The following SLC25A13 variants were observed in gnomAD, a reference collection of about 807,000 sequenced individuals.
SLC25A13 encodes electrogenic aspartate/glutamate antiporter SLC25A13, mitochondrial.
In SLC25A13, 70 loss-of-function variants were observed where a neutral mutation model predicts 85.5. That is an observed-to-expected ratio of 0.82 (90% CI 0.68 to 1.00). The LOEUF is 1.00. Ranked by LOEUF, SLC25A13 falls within the 50% of genes least tolerant of loss-of-function variation. The probability of loss-of-function intolerance (pLI) is 0.00; values close to 1 mark genes in which losing one functional copy is unlikely to be tolerated. For missense variants in SLC25A13, 765 were observed against 819.8 expected, an observed-to-expected ratio of 0.93 and a Z score of 0.82; for synonymous variants, 259 against 288.7, an observed-to-expected ratio of 0.90 and a Z score of 1.04.
intron 1 of SLC25A13, among the ~76,000 whole-genome samples, chr7:96,298,784 T>C (rs549317677): frequency 6.6e-6 from 1 of 152,282 alleles, no homozygotes; most frequent in African/African-American, 2.4e-5. Context: ...TTCTCTGCTG[T>C]TCAATAGAGG....
Position 96,322,069 on chromosome 7 carries a change from G to T in SLC25A13, c.-113C>A, listed in dbSNP as rs1346924910. 1 of 1,412,604 alleles carries T rather than the reference G, an allele frequency of 7.1e-7. No individual in the cohort carries two copies. The highest frequency in any genetic ancestry group is 1.5e-5 in the African/African-American group (1 of 67,294). The allele number at this position is 1,412,604 out of a possible 1,614,324, so 87.5% of individuals were successfully genotyped here. Reference sequence around the variant, plus strand: ...GCGGCGGCGGTGGGGGCGGCGATACGGCCAGGCAGCGTGCGTTCCTGGCCT... The same window carrying T: ...GCGGCGGCGGTGGGGGCGGCGATACTGCCAGGCAGCGTGCGTTCCTGGCCT... On this transcript the variant is annotated 5_prime_UTR_variant, in exon 1 of 18. Coordinates refer to ENST00000265631, the MANE Select transcript of SLC25A13 (RefSeq NM_014251.3).
chr7:96,217,676 G>A (rs1331623295), intron 4 of SLC25A13, among the ~76,000 whole-genome samples: 1 of 152,068 alleles, frequency 6.6e-6, no homozygotes, highest in Non-Finnish European at 1.5e-5. Flanking sequence ...GTCTAGAATA[G>A]ACAAATCCAT....
intron 15 of SLC25A13, among the ~76,000 whole-genome samples, chr7:96,123,880 T>A (rs1791620788): frequency 6.6e-6 from 1 of 152,212 alleles, no homozygotes; most frequent in Admixed American, 6.5e-5. Flanking sequence ...CTGCCTGCTC[T>A]CTTCTGGATT....
Position 96,321,998 on chromosome 7 carries a change from G to C in SLC25A13, c.-42C>G, listed in dbSNP as rs564323455. The C allele has an allele frequency of 1.4e-5, 21 of 1,533,270 alleles. No individual in the cohort carries two copies. In the East Asian group the frequency reaches 5.2e-4, roughly 38 times the overall value. 95.0% of individuals were successfully genotyped at this position (1,533,270 alleles called of 1,614,324 possible). A position where few individuals can be genotyped will look rare whatever the true frequency, so the allele number is the denominator to read the frequency against. ...GGGCGACTGCGGGACCCACTGACTG[G>C]CTGGCTGGCGTTTGGGACCCGGGCG... On this transcript the variant is annotated 5_prime_UTR_variant, in exon 1 of 18. Transcript: ENST00000265631.
At chr7:96,308,452 T>C (rs1382217301) in intron 1 of SLC25A13, among the ~76,000 whole-genome samples, 1 of 152,196 alleles carries the variant, frequency 6.6e-6, no homozygotes, top group East Asian at 1.9e-4. Context: ...CAGGTCTCTC[T>C]AGCTGATGAT....
intron 1 of SLC25A13, among the ~76,000 whole-genome samples, chr7:96,317,522 C>T (rs1800176367): frequency 6.6e-6 from 1 of 151,824 alleles, no homozygotes; most frequent in Non-Finnish European, 1.5e-5. Flanking sequence ...GTAGCCTGTG[C>T]TCTCACCTCC....
At chr7:96,180,687 A>G (rs1219270064) in intron 11 of SLC25A13, among the ~76,000 whole-genome samples, 2 of 152,242 alleles carry the variant, frequency 1.3e-5, no homozygotes, top group African/African-American at 4.8e-5. Context: ...TCCAGTGTCT[A>G]AGGCTGCTCA....
chr7:96,132,938 C>T (rs1399862691), intron 14 of SLC25A13, among the ~76,000 whole-genome samples: 1 of 152,182 alleles, frequency 6.6e-6, no homozygotes, highest in Non-Finnish European at 1.5e-5. Context: ...CTTTGTTTTC[C>T]TGACACGCAC....
intron 13 of SLC25A13, among the ~76,000 whole-genome samples, chr7:96,161,034 A>C (rs1306400039): frequency 1.6e-5 from 2 of 128,332 alleles, no homozygotes; most frequent in Non-Finnish European, 3.3e-5. Context: ...CCTCTTTTCT[A>C]TGATTCCTTC....
chr7:96,296,940 G>A lies in SLC25A13; in HGVS notation c.27C>T (p.Thr9=). Residue 9 remains threonine, a synonymous_variant, in exon 2 of 18, where the codon ACC becomes ACT. Coordinates refer to ENST00000265631, the MANE Select transcript of SLC25A13 (RefSeq NM_014251.3). ...TAAGCTCAGCTGGATCTGCTCTCTT[G>A]GTTAAAGCCACCTATAAATAAACAT... The part of the protein sequence containing the change: MAAAKVAL[T]KRADPAELRT... 6.2e-7 allele frequency: 1 copy of A among 1,613,142 alleles called. No individual in the cohort carries two copies. Among genetic ancestry groups the A allele is most frequent in the East Asian group, 2.2e-5 (1 of 44,834 alleles).
At position 96,279,400 on chromosome 7, in the gene SLC25A13, G is replaced by C. The variant is rs917050932; in HGVS notation, c.70-2062C>G. Among the ~76,000 whole-genome samples the C allele has an allele frequency of 2.0e-5, 3 of 152,154 alleles. No homozygotes were observed. The South Asian group carries it at 6.2e-4, about 32-fold the overall frequency. On this transcript the variant is annotated intron_variant, in intron 2 of 17. Transcript: ENST00000265631. Reference sequence around the variant, plus strand: ...CGACTGGGTAATTTATAAATAAAAAGAGGTTTAATGGACTCACAGTTCCAC... The same window carrying C: ...CGACTGGGTAATTTATAAATAAAAACAGGTTTAATGGACTCACAGTTCCAC...
chr7:96,128,939 GCTCTCTCTCTCTCTCTCTCTCT>G (rs58984088), intron 15 of SLC25A13, among the ~76,000 whole-genome samples: 6 of 81,848 alleles, frequency 7.3e-5, no homozygotes, highest in African/African-American at 2.6e-4. Context: ...TGCCTTGCTT[GCTCTCTCTCTCTCTCTCTCTCT>G]CTCTCTCTCT....
chr7:96,300,016 A>T (rs1584592134), intron 1 of SLC25A13, among the ~76,000 whole-genome samples: 1 of 152,244 alleles, frequency 6.6e-6, no homozygotes, highest in Non-Finnish European at 1.5e-5. Flanking sequence ...TGATGAAAAC[A>T]TCCTTATGTG....
At chr7:96,321,397 T>C (rs1371722250) in intron 1 of SLC25A13, among the ~76,000 whole-genome samples, 5 of 152,156 alleles carry the variant, frequency 3.3e-5, no homozygotes, top group African/African-American at 9.6e-5. Context: ...CCCTGGACTT[T>C]TTATTCACAA....
intron 2 of SLC25A13, among the ~76,000 whole-genome samples, chr7:96,282,835 G>C (rs1584561418): frequency 6.6e-6 from 1 of 152,082 alleles, no homozygotes; most frequent in East Asian, 1.9e-4. Flanking sequence ...ACATATTTAA[G>C]AAACATAAAT....
intron 3 of SLC25A13, among the ~76,000 whole-genome samples, chr7:96,265,248 G>A (rs528795167): frequency 9.2e-5 from 14 of 152,138 alleles, no homozygotes; most frequent in South Asian, 6.2e-4. Context: ...CATGCACACC[G>A]GTCAACTGGG....
chr7:96,321,903 C>A (rs1205397925), intron 1 of SLC25A13, 39 bp downstream of exon 1: 1 of 1,523,972 alleles, frequency 6.6e-7, no homozygotes, highest in Admixed American at 2.0e-5. Context: ...CAGGCTGATC[C>A]GGCAGGCGCG....
At chr7:96,234,779 G>A (rs200096035) in intron 4 of SLC25A13, 23 bp downstream of exon 4, 64 of 1,551,116 alleles carry the variant, frequency 4.1e-5, no homozygotes, top group East Asian at 9.0e-5. Flanking sequence ...TTACACAGAC[G>A]TGCACAGAAG....
intron 1 of SLC25A13, among the ~76,000 whole-genome samples, chr7:96,312,291 T>C (rs1799978823): frequency 6.6e-6 from 1 of 152,220 alleles, no homozygotes; most frequent in African/African-American, 2.4e-5. Flanking sequence ...ATGTATATTA[T>C]GAAGGTGAGA....
Sources: allele counts gnomAD v4.1 joint callset (sites outside exome capture counted in the v4.1 genomes callset), GRCh38; gene constraint gnomAD v4.1.1; transcripts MANE v1.5; gene names NCBI Gene and HGNC (gene_info 2026-07-23, HGNC 2026-07-21).